The following TENM2 variants were observed in gnomAD, a reference collection of about 807,000 sequenced individuals.
TENM2 encodes the protein teneurin-2.
In TENM2, 52 loss-of-function variants were observed where a neutral mutation model predicts 245.2. The ratio of observed to expected loss-of-function variants is 0.21; its 90% CI spans 0.17 to 0.27. The LOEUF (loss-of-function observed/expected upper bound fraction) is 0.27. TENM2 is among the 10% of genes least tolerant of loss of function. The pLI is 1.00. For synonymous variants in TENM2, 1,363 were observed against 1,438.9 expected (o/e 0.95, Z 1.19); for missense variants, 3,046 against 3,666.8 (o/e 0.83, Z 4.37).
At chr5:167,772,521 C>A (rs554040208) in intron 2 of TENM2, among the ~76,000 whole-genome samples, 7 of 152,222 alleles carry the variant, frequency 4.6e-5, no homozygotes, top group African/African-American at 1.7e-4. Flanking sequence ...AGGGTACAGG[C>A]CAACTTCTCT....
At chr5:168,230,750 C>T (rs1022743969) in intron 25 of TENM2, 18 of 152,108 alleles carry the variant, frequency 1.2e-4, no homozygotes, top group Non-Finnish European at 7.4e-5. Context: ...GTCAGTACCA[C>T]GGAACAAGGA....
chr5:167,754,730 A>AAC (rs2150667673), intron 2 of TENM2, among the ~76,000 whole-genome samples: 1 of 151,770 alleles, frequency 6.6e-6, no homozygotes, highest in Admixed American at 6.6e-5. Flanking sequence ...AGATATTTCA[A>AAC]AAAAAAAAAA....
intron 2 of TENM2, among the ~76,000 whole-genome samples, chr5:167,392,510 T>C (rs1160936544): frequency 6.6e-6 from 1 of 152,186 alleles, no homozygotes; most frequent in African/African-American, 2.4e-5. Flanking sequence ...GGTTTTCTCC[T>C]GCCGTCAGCA....
rs991000553 is a variant in TENM2 at position 167,698,912 on chromosome 5, G to C, written c.503-177074G>C. On this transcript the variant is annotated intron_variant, in intron 2 of 28. Coordinates refer to ENST00000518659, the Ensembl canonical transcript of TENM2. ...TTAGCCAGGATGGTCTTGATCTCCTGACCTTGTGATCTGCCTGCCTCGGCC... is the reference window on the plus strand; with the variant it reads ...TTAGCCAGGATGGTCTTGATCTCCTCACCTTGTGATCTGCCTGCCTCGGCC... 2.0e-5 allele frequency among the ~76,000 whole-genome samples: 3 copies of C among 151,888 alleles called. No individual in the cohort carries two copies. In the East Asian group the frequency reaches 5.8e-4, roughly 29 times the overall value.
chr5:167,565,075 G>T (rs991775743), intron 2 of TENM2, among the ~76,000 whole-genome samples: 2 of 152,222 alleles, frequency 1.3e-5, no homozygotes, highest in African/African-American at 4.8e-5. Flanking sequence ...AAGAAATGGT[G>T]ATAGACTGCA....
chr5:167,362,427 A>G (rs1372592638), intron 1 of TENM2, among the ~76,000 whole-genome samples: 1 of 152,214 alleles, frequency 6.6e-6, no homozygotes, highest in East Asian at 1.9e-4. Flanking sequence ...TTACTTACTG[A>G]GGCAAAGTAT....
rs372273284 is a variant in TENM2 at position 168,251,288 on chromosome 5, G to A, written c.7432+2917G>A. Reference sequence around the variant, plus strand: ...ACTGACCCCCTCAGCTACTTACCTGGCTCTCCAGAAAAGGCCAAAAAATAA... The same window carrying A: ...ACTGACCCCCTCAGCTACTTACCTGACTCTCCAGAAAAGGCCAAAAAATAA... On this transcript the variant is annotated intron_variant, in intron 27 of 28. Transcript: ENST00000518659. Among the ~76,000 whole-genome samples, 9 of 152,182 alleles carry A rather than the reference G, an allele frequency of 5.9e-5. No individual in the cohort carries two copies. In the East Asian group the frequency reaches 1.2e-3, roughly 20 times the overall value.
the TENM2 span, among the ~76,000 whole-genome samples, chr5:167,094,754 G>A: frequency 6.6e-6 from 1 of 152,136 alleles, no homozygotes; most frequent in Non-Finnish European, 1.5e-5. Flanking sequence ...TACGGGCTGG[G>A]AAAGTCTTTG....
chr5:167,202,106 A>G, the TENM2 span, among the ~76,000 whole-genome samples: 2 of 152,178 alleles, frequency 1.3e-5, no homozygotes, highest in South Asian at 4.1e-4. Context: ...CACAGATTTT[A>G]CTGACTTTTC....
At chr5:167,955,408 T>C (rs1340110974) in intron 4 of TENM2, among the ~76,000 whole-genome samples, 2 of 152,308 alleles carry the variant, frequency 1.3e-5, no homozygotes, top group South Asian at 4.1e-4. Context: ...TTTCTCCCAT[T>C]CTATAGATTG....
At chr5:168,204,725 T>G in intron 19 of TENM2, 104 bp downstream of exon 21, 2 of 1,433,500 alleles carry the variant, frequency 1.4e-6, no homozygotes, top group Admixed American at 4.3e-5. Context: ...AGAGAAGATA[T>G]AGTCCTTGTG....
chr5:167,087,815 A>T, the TENM2 span, among the ~76,000 whole-genome samples: 1 of 150,892 alleles, frequency 6.6e-6, no homozygotes, highest in Non-Finnish European at 1.5e-5. Context: ...TTTAAAACAG[A>T]GTCTTGCTCT....
chr5:168,029,260 C>T (rs1039211760), intron 5 of TENM2, among the ~76,000 whole-genome samples: 3 of 152,140 alleles, frequency 2.0e-5, no homozygotes, highest in Non-Finnish European at 2.9e-5. Context: ...TCTCAACATA[C>T]GAATTCTGGG....
chr5:167,793,048 T>C (rs1244847370), intron 2 of TENM2, among the ~76,000 whole-genome samples: 1 of 152,224 alleles, frequency 6.6e-6, no homozygotes, highest in Non-Finnish European at 1.5e-5. Flanking sequence ...GAGTTCCAAC[T>C]GGCTTTTAGA....
chr5:167,375,226 C>T, exon 2 of TENM2: 2 of 1,551,678 alleles, frequency 1.3e-6, no homozygotes, highest in East Asian at 4.9e-5. Context: ...CCGAACTGGG[C>T]ATCTGTGAGC....
chr5:167,581,410 A>T (rs977726091), intron 2 of TENM2, among the ~76,000 whole-genome samples: 2 of 152,216 alleles, frequency 1.3e-5, no homozygotes, highest in African/African-American at 2.4e-5. Context: ...GCAGTCGATG[A>T]TGTAGTATAA....
At chr5:167,414,323 A>G (rs538788132) in intron 2 of TENM2, among the ~76,000 whole-genome samples, 63 of 152,164 alleles carry the variant, frequency 4.1e-4, no homozygotes, top group Admixed American at 1.2e-3. Context: ...ATATTTTAAA[A>G]AGAAACAATA....
chr5:168,246,982 G>A lies in TENM2; in HGVS notation c.6043G>A (p.Gly2015Arg), dbSNP rs746666193. The A allele has an allele frequency of 1.7e-5, 28 of 1,613,758 alleles. No homozygotes were observed. Among genetic ancestry groups the A allele is most frequent in the Admixed American group, 6.7e-5 (4 of 59,978 alleles). ...CCTGAAGACCTCCTTTTTGGGCACCGGACGCCAGGTGTTCTACAAGTATGG... is the reference window on the plus strand; with the variant it reads ...CCTGAAGACCTCCTTTTTGGGCACCAGACGCCAGGTGTTCTACAAGTATGG... Residue 2015 changes from glycine to arginine, a missense_variant, in exon 27 of 29, where the codon GGA becomes AGA. By Grantham distance (125) the Gly-to-Arg change is moderately radical (BLOSUM62 -2). Coordinates refer to ENST00000518659, the Ensembl canonical transcript of TENM2.
At chr5:167,597,165 CT>C (rs34227363) in intron 2 of TENM2, among the ~76,000 whole-genome samples, 11,165 of 53,704 alleles carry the variant, frequency 0.21, 888 homozygotes, top group East Asian at 0.3. Flanking sequence ...CTTTTCTTTT[CT>C]TTTTTTTTTT....
Sources: allele counts gnomAD v4.1 joint callset (sites outside exome capture counted in the v4.1 genomes callset), GRCh38; gene constraint gnomAD v4.1.1; transcripts MANE v1.5; gene names NCBI Gene and HGNC (gene_info 2026-07-23, HGNC 2026-07-21).